ATF7IP: variants seen among roughly 807,000 people sequenced by gnomAD.
ATF7IP encodes activating transcription factor 7-interacting protein 1.
ATF7IP carries 23 observed loss-of-function variants against 106.4 expected under a neutral mutation model. The observed-to-expected ratio is 0.22, with a 90% CI of 0.16 to 0.31. ATF7IP has a LOEUF of 0.31. ATF7IP is among the 10% of genes least tolerant of loss of function. The pLI is 1.00. For missense variants in ATF7IP, 1,334 were observed against 1,524.3 expected, an observed-to-expected ratio of 0.88 and a Z score of 2.08; for synonymous variants, 542 against 539.0, an observed-to-expected ratio of 1.01 and a Z score of -0.08.
At chr12:14,427,811 C>T (rs1401545968) in intron 2 of ATF7IP, among the ~76,000 whole-genome samples, 2 of 152,110 alleles carry the variant, frequency 1.3e-5, no homozygotes, top group African/African-American at 4.8e-5. Flanking sequence ...GAGTCCAATT[C>T]ACAACTGTTA....
chr12:14,436,035 A>C, intron 3 of ATF7IP, 71 bp from the exon 4 acceptor site: 1 of 1,459,902 alleles, frequency 6.8e-7, no homozygotes, highest in Non-Finnish European at 9.4e-7. Context: ...TATTTTGCTA[A>C]GGATGGATAA....
At chr12:14,400,466 AT>A (rs11311912) in intron 1 of ATF7IP, among the ~76,000 whole-genome samples, 152,328 of 152,330 alleles carry the variant, frequency 1, 76,163 homozygotes, top group Non-Finnish European at 1. Context: ...TAACCAGGAA[AT>A]TAATAGGATT....
At chr12:14,374,272 ATTTT>A (rs563859251) in intron 1 of ATF7IP, among the ~76,000 whole-genome samples, 1 of 105,448 alleles carries the variant, frequency 9.5e-6, no homozygotes, top group Non-Finnish European at 1.9e-5. Context: ...TAATTTTGTA[ATTTT>A]TTTTTTTTTT....
At chr12:14,478,273 G>C (rs921342107) in intron 11 of ATF7IP, 44 bp from the exon 12 acceptor site, 2 of 1,593,998 alleles carry the variant, frequency 1.3e-6, no homozygotes, top group African/African-American at 1.3e-5. Context: ...TGTATTTCCT[G>C]ATTTTTTTCT....
intron 1 of ATF7IP, among the ~76,000 whole-genome samples, chr12:14,376,023 G>T (rs916928661): frequency 3.9e-5 from 6 of 152,150 alleles, no homozygotes; most frequent in African/African-American, 9.7e-5. Flanking sequence ...ATGGAGACCA[G>T]TTTTAGGACT....
At chr12:14,488,807 A>G (rs570437164) in intron 13 of ATF7IP, among the ~76,000 whole-genome samples, 56 of 152,334 alleles carry the variant, frequency 3.7e-4, no homozygotes, top group African/African-American at 1.3e-3. Context: ...ATACTATTAC[A>G]TAAAGTTAAC....
intron 1 of ATF7IP, among the ~76,000 whole-genome samples, chr12:14,379,422 T>C (rs1044014205): frequency 6.6e-6 from 1 of 152,226 alleles, no homozygotes; most frequent in African/African-American, 2.4e-5. Context: ...TATTTCTTTA[T>C]AGCAATGCAA....
In ATF7IP at chr12:14,436,231, A is replaced by G; in HGVS notation, c.1771A>G (p.Ile591Val). 6.2e-7 allele frequency: 1 copy of G among 1,612,944 alleles called. No homozygotes were observed. Among genetic ancestry groups the G allele is most frequent in the African/African-American group, 1.3e-5 (1 of 74,942 alleles). Residue 591 changes from isoleucine to valine, a missense_variant, in exon 4 of 15, where the codon ATT (isoleucine) becomes GTT (valine). By Grantham distance (29) the Ile-to-Val change is conservative. Coordinates refer to ENST00000261168, the MANE Select transcript of ATF7IP (RefSeq NM_018179.5). ...FQVKITAKGD[I>V]NQKLQKVIQW... ...AGTAAAGATTACAGCCAAAGGAGAC[A>G]TTAACCAGAAACTTCAAAAGGTATT...
intron 6 of ATF7IP, among the ~76,000 whole-genome samples, chr12:14,449,737 A>G (rs1591887787): frequency 6.6e-6 from 1 of 151,756 alleles, no homozygotes; most frequent in East Asian, 1.9e-4. Flanking sequence ...CAAACCCACT[A>G]TTGCAATATT....
rs1239002057 is a variant in ATF7IP at position 14,436,150 on chromosome 12, A to G, written c.1690A>G (p.Asn564Asp). ...ACGTTCTAAATCAGAAGACATGGACAATGTACAGTCTAAACGTCGTCGATA... is the reference window on the plus strand; with the variant it reads ...ACGTTCTAAATCAGAAGACATGGACGATGTACAGTCTAAACGTCGTCGATA... ...RKRSKSEDMD[N>D]VQSKRRRYME... Residue 564 changes from asparagine to aspartate, a missense_variant, in exon 4 of 15, where the codon AAT becomes GAT. Asn to Asp is a conservative substitution (Grantham distance 23). Coordinates refer to ENST00000261168, the MANE Select transcript of ATF7IP (RefSeq NM_018179.5). The G allele has an allele frequency of 1.4e-5, 23 of 1,613,522 alleles. No homozygotes were observed. Among genetic ancestry groups the G allele is most frequent in the East Asian group, 2.2e-5 (1 of 44,810 alleles).
At chr12:14,418,414 T>C (rs1941314888) in intron 1 of ATF7IP, among the ~76,000 whole-genome samples, 1 of 152,214 alleles carries the variant, frequency 6.6e-6, no homozygotes. Flanking sequence ...GAAAATGAAT[T>C]ACAGTCATGT....
intron 1 of ATF7IP, among the ~76,000 whole-genome samples, chr12:14,396,298 G>C (rs1190651652): frequency 1.3e-5 from 2 of 152,062 alleles, no homozygotes; most frequent in African/African-American, 4.8e-5. Context: ...CAGTTCTCTA[G>C]TTTCTGAAAG....
At chr12:14,402,613 T>C in intron 1 of ATF7IP, among the ~76,000 whole-genome samples, 1 of 151,054 alleles carries the variant, frequency 6.6e-6, no homozygotes, top group East Asian at 1.9e-4. Flanking sequence ...TTCTGATTTT[T>C]TTTTTTTTTT....
intron 1 of ATF7IP, chr12:14,385,324 T>C: frequency 1.4e-6 from 2 of 1,475,270 alleles, no homozygotes; most frequent in Non-Finnish European, 1.8e-6. Flanking sequence ...TCAAAATGGC[T>C]GCTAACCTAG....
At chr12:14,470,302 T>G (rs913142097) in intron 10 of ATF7IP, among the ~76,000 whole-genome samples, 4 of 152,224 alleles carry the variant, frequency 2.6e-5, no homozygotes, top group African/African-American at 9.6e-5. Context: ...AGTGTTTGCT[T>G]ATTGAGACTG....
chr12:14,432,584 G>A (rs963111399), intron 2 of ATF7IP, among the ~76,000 whole-genome samples: 52 of 152,180 alleles, frequency 3.4e-4, no homozygotes, highest in African/African-American at 1.2e-3. Context: ...TTATCTTACA[G>A]TGAAAAAAAT....
intron 4 of ATF7IP, among the ~76,000 whole-genome samples, chr12:14,437,871 G>A (rs1002346233): frequency 6.6e-6 from 1 of 151,984 alleles, no homozygotes; most frequent in African/African-American, 2.4e-5. Flanking sequence ...GGCTAAAACG[G>A]TGAAACCCCG....
At position 14,460,745 on chromosome 12, in the gene ATF7IP, G is replaced by A; in HGVS notation, c.2409G>A (p.Gly803=). The A allele has an allele frequency of 6.2e-7, 1 of 1,614,162 alleles. No homozygotes were observed. Among genetic ancestry groups the A allele is most frequent in the African/African-American group, 1.3e-5 (1 of 75,038 alleles). Residue 803 remains glycine (G), a synonymous_variant, in exon 9 of 15, where the codon GGG becomes GGA. Coordinates refer to ENST00000261168, the MANE Select transcript of ATF7IP (RefSeq NM_018179.5). ...SQPQLLQSHP[G]TLVTNQPSGN... ...CTCAGCTTCTACAGAGCCATCCAGG[G>A]ACTTTGGTGACTAATCAACCATCTG...
chr12:14,380,361 A>T (rs1938950246), intron 1 of ATF7IP, among the ~76,000 whole-genome samples: 1 of 152,174 alleles, frequency 6.6e-6, no homozygotes, highest in South Asian at 2.1e-4. Flanking sequence ...AAGATTCAAA[A>T]GTTGATTGCC....
Sources: gnomAD v4.1 joint callset for allele counts (sites outside exome capture counted in the v4.1 genomes callset) on GRCh38, gnomAD v4.1.1 for gene constraint, MANE v1.5 for transcripts, NCBI Gene and HGNC (gene_info 2026-07-23, HGNC 2026-07-21) for gene names.